The following UTP11 variants were observed in gnomAD, a reference collection of about 807,000 sequenced individuals.
The protein encoded by UTP11 is probable U3 small nucleolar RNA-associated protein 11.
A neutral mutation model predicts 39.0 loss-of-function variants in UTP11; 29 were observed. The observed-to-expected ratio is 0.74, with a 90% confidence interval of 0.55 to 1.01. The LOEUF (loss-of-function observed/expected upper bound fraction) is 1.01. Ranked by LOEUF, UTP11 falls within the 50% of genes least tolerant of loss-of-function variation. UTP11 has a pLI of 0.00. For synonymous variants in UTP11, 111 were observed against 105.0 expected (o/e 1.06, Z -0.35); for missense variants, 281 against 306.0 (o/e 0.92, Z 0.61).
chr1:38,021,017 G>C (rs976316178), intron 6 of UTP11, among the ~76,000 whole-genome samples: 11 of 152,160 alleles, frequency 7.2e-5, no homozygotes, highest in Admixed American at 5.2e-4. Context: ...TGCCTCCTGG[G>C]TTCAAGCAAT....
chr1:38,013,261 C>G (rs749485107), intron 1 of UTP11, among the ~76,000 whole-genome samples: 1 of 152,230 alleles, frequency 6.6e-6, no homozygotes, highest in Non-Finnish European at 1.5e-5. Flanking sequence ...TATGGGGGCC[C>G]TGACCGAAGA....
At chr1:38,015,780 C>T (rs908157710) in intron 1 of UTP11, among the ~76,000 whole-genome samples, 1 of 152,172 alleles carries the variant, frequency 6.6e-6, no homozygotes, top group Non-Finnish European at 1.5e-5. Flanking sequence ...TGGAAAGCTG[C>T]TATGTGTCAA....
intron 4 of UTP11, 90 bp downstream of exon 4, chr1:38,018,667 C>G (rs1161846074): frequency 3.1e-6 from 3 of 972,792 alleles, no homozygotes; most frequent in Non-Finnish European, 4.7e-6. Flanking sequence ...TTTCTTCTGG[C>G]ATTTACAATC....
rs1570504411 is a variant in UTP11, at chr1:38,023,734, A to G, written c.*106A>G. On this transcript the variant is annotated 3_prime_UTR_variant, in exon 8 of 8. Transcript: ENST00000373014. ...TGGCATGGTTTTCCGGTTTGTAACC[A>G]TAACTAAATTGTCAGTCTGACATTT... is the stretch of plus-strand genomic sequence containing the variant. The G allele has an allele frequency of 1.1e-6, 1 of 892,848 alleles. No homozygotes were observed. The allele number at this position is 892,848 out of a possible 1,614,324, so 55.3% of individuals were successfully genotyped here.
intron 1 of UTP11, among the ~76,000 whole-genome samples, chr1:38,014,849 G>GTAGAGATGAGGTCTCA (rs1646699370): frequency 6.6e-6 from 1 of 152,032 alleles, no homozygotes; most frequent in Non-Finnish European, 1.5e-5. Flanking sequence ...TCACTGTGTT[G>GTAGAGATGAGGTCTCA]CCCAGGCTGG....
chr1:38,018,515 C>T lies in UTP11; in HGVS notation c.280C>T (p.Leu94=). 1 of 1,613,878 alleles carries T rather than the reference C, an allele frequency of 6.2e-7. No individual in the cohort carries two copies. The highest frequency in any genetic ancestry group is 1.1e-5 in the South Asian group (1 of 91,052). Residue 94 remains leucine, a synonymous_variant, in exon 4 of 8, where the codon CTA becomes TTA. Transcript: ENST00000373014. ...TAAGGAAGAAGTAACCCCAGAACAACTAAAGCTGATGAGAACTCAGGACGT... is the reference window on the plus strand; with the variant it reads ...TAAGGAAGAAGTAACCCCAGAACAATTAAAGCTGATGAGAACTCAGGACGT... The part of the protein sequence containing the change: ...ETKEEVTPEQ[L]KLMRTQDVKY...
intron 2 of UTP11, 62 bp downstream of exon 2, chr1:38,016,482 G>A: frequency 6.4e-7 from 1 of 1,563,464 alleles, no homozygotes; most frequent in Non-Finnish European, 8.8e-7. Context: ...TTGCACTGCA[G>A]CTGAATTGCC....
Position 38,012,793 on chromosome 1 carries a change from C to G in UTP11, c.-10C>G. 1 of 1,614,232 alleles carries G rather than the reference C, an allele frequency of 6.2e-7. No individual in the cohort carries two copies. The highest frequency in any genetic ancestry group is 8.5e-7 in the Non-Finnish European group (1 of 1,180,040). The stretch of plus-strand genomic sequence containing the variant: ...CGTTCTCCACTGATCTTTTCCAAGG[C>G]TGTACAGACATGGCGGCGGCTTTTC... On this transcript the variant is annotated 5_prime_UTR_variant, in exon 1 of 8. Coordinates refer to ENST00000373014, the MANE Select transcript of UTP11 (RefSeq NM_016037.4).
At position 38,023,539 on chromosome 1, in the gene UTP11, T is replaced by C; in HGVS notation, c.679-6T>C. On this transcript the variant is annotated splice_region_variant and splice_polypyrimidine_tract_variant and intron_variant, in intron 7 of 7. Coordinates refer to ENST00000373014, the MANE Select transcript of UTP11 (RefSeq NM_016037.4). ...CTTTACTGATCACCTTTTTACTCTT[T>C]TGTAGGATAAAACTCAGAAAGTGAA... is the stretch of plus-strand genomic sequence containing the variant. 1 of 1,608,718 alleles carries C rather than the reference T, an allele frequency of 6.2e-7. No homozygotes were observed.
chr1:38,020,099 C>CT (rs764185881), intron 6 of UTP11, among the ~76,000 whole-genome samples: 1 of 151,826 alleles, frequency 6.6e-6, no homozygotes, highest in Admixed American at 6.6e-5. Context: ...ATCAAAAGGT[C>CT]TTTCTGTGTT....
At chr1:38,013,273 A>G (rs771050617) in intron 1 of UTP11, among the ~76,000 whole-genome samples, 31 of 152,144 alleles carry the variant, frequency 2.0e-4, no homozygotes, top group Non-Finnish European at 4.1e-4. Context: ...GACCGAAGAG[A>G]CTGTGGTTAC....
At chr1:38,016,750 G>T in intron 2 of UTP11, 1 of 286,482 alleles carries the variant, frequency 3.5e-6, no homozygotes, top group South Asian at 3.8e-5. Flanking sequence ...TGAAGTGCAG[G>T]ATATAATCTG....
intron 2 of UTP11, 95 bp downstream of exon 2, chr1:38,016,515 T>A: frequency 1.5e-6 from 2 of 1,303,918 alleles, no homozygotes; most frequent in Non-Finnish European, 2.2e-6. Flanking sequence ...AGGGGATAAT[T>A]TCCTGCCATT....
intron 7 of UTP11, 95 bp from the exon 8 acceptor site, chr1:38,023,450 G>C: frequency 9.2e-7 from 1 of 1,082,852 alleles, no homozygotes; most frequent in Non-Finnish European, 1.3e-6. Flanking sequence ...ACTTTGAGAA[G>C]GGCTGAAGCA....
intron 4 of UTP11, 48 bp downstream of exon 4, chr1:38,018,625 C>T (rs757489829): frequency 7.3e-7 from 1 of 1,371,090 alleles, no homozygotes; most frequent in Non-Finnish European, 1.0e-6. Context: ...AGAAGGGAAA[C>T]TTAAATTCAT....
rs747836027 is a variant in UTP11 at position 38,018,535 on chromosome 1, G to A, written c.300G>A (p.Gln100=). 3.1e-6 allele frequency: 5 copies of A among 1,613,880 alleles called. No homozygotes were observed. In the African/African-American group the frequency reaches 4.0e-5, roughly 13 times the overall value. The change falls in exon 4 of 8, where the codon CAG becomes CAA. Residue 100 remains glutamine, a synonymous_variant. Transcript: ENST00000373014. ...TPEQLKLMRT[Q]DVKYIEMKRV... ...AACAACTAAAGCTGATGAGAACTCAGGACGTCAAATATATAGAAATGAAGA... is the reference window on the plus strand; with the variant it reads ...AACAACTAAAGCTGATGAGAACTCAAGACGTCAAATATATAGAAATGAAGA...
rs756587448 is a variant in UTP11, at chr1:38,019,253, T to A, written c.437T>A (p.Val146Asp). 2.5e-6 allele frequency: 4 copies of A among 1,614,004 alleles called. No homozygotes were observed. In the African/African-American group the frequency reaches 5.3e-5, roughly 22 times the overall value. ...CCTTAAGGATTGTCTTGAATTTTAG[T>A]TGAACAGTTTGATGTCGCAACTCAC... ...HVFFFDTKKE[V>D]EQFDVATHLQ... The change falls in exon 6 of 8, where the codon GTT becomes GAT. Residue 146 changes from valine to aspartate, a missense_variant and splice_region_variant. Transcript: ENST00000373014.
rs1469119508 is a variant in UTP11, at chr1:38,012,739, A to AC, written c.-63dup. Reference sequence around the variant, plus strand: ...GCCTATTTCCGGTAGGAATCAGTGGACTTGGCGGCAGAGGCAGTGCGGATC... The same window carrying AC: ...GCCTATTTCCGGTAGGAATCAGTGGACCTTGGCGGCAGAGGCAGTGCGGATC... On this transcript the variant is annotated 5_prime_UTR_variant, in exon 1 of 8. Coordinates refer to ENST00000373014, the MANE Select transcript of UTP11 (RefSeq NM_016037.4). The AC allele has an allele frequency of 6.2e-7, 1 of 1,607,470 alleles. No homozygotes were observed. The highest frequency in any genetic ancestry group is 8.5e-7 in the Non-Finnish European group (1 of 1,174,150).
chr1:38,013,973 C>T (rs1300698937), intron 1 of UTP11, among the ~76,000 whole-genome samples: 2 of 152,224 alleles, frequency 1.3e-5, no homozygotes, highest in African/African-American at 4.8e-5. Flanking sequence ...CCTTGGCCTC[C>T]CAAAGTGCTG....
Sources: gnomAD v4.1 joint callset for allele counts (sites outside exome capture counted in the v4.1 genomes callset) on GRCh38, gnomAD v4.1.1 for gene constraint, MANE v1.5 for transcripts, NCBI Gene and HGNC (gene_info 2026-07-23, HGNC 2026-07-21) for gene names.